Variants in OTC observed in about 807,000 individuals in gnomAD.
The protein encoded by OTC is ornithine transcarbamylase, mitochondrial.
In OTC, 3 loss-of-function variants were observed where a neutral mutation model predicts 30.3. That is an observed-to-expected ratio of 0.10 (90% CI 0.05 to 0.26). The LOEUF (loss-of-function observed/expected upper bound fraction) is 0.26, where lower values mean the gene tolerates loss of function less well. Among genes scored for constraint, OTC ranks in the 10% least tolerant of loss-of-function variants. The pLI is 1.00. For missense variants in OTC, 194 were observed against 260.3 expected, an observed-to-expected ratio of 0.75 and a Z score of 1.75; for synonymous variants, 111 against 99.7, an observed-to-expected ratio of 1.11 and a Z score of -0.67.
chrX:38,398,456 C>A (rs1370926910), intron 4 of OTC, among the ~76,000 whole-genome samples: 1 of 111,995 alleles, frequency 8.9e-6, no homozygotes, highest in Non-Finnish European at 1.9e-5. Flanking sequence ...GAAGTCAAAT[C>A]TGCTTTTCTG....
chrX:38,381,988 A>G, intron 4 of OTC, among the ~76,000 whole-genome samples: 1 of 111,864 alleles, frequency 8.9e-6, no homozygotes, highest in Non-Finnish European at 1.9e-5. Context: ...AAAGGGAAGA[A>G]CAGGTTATTA....
chrX:38,369,943 G>C, intron 3 of OTC, 66 bp downstream of exon 3: 5 of 739,374 alleles, frequency 6.8e-6, no homozygotes, highest in Non-Finnish European at 1.1e-5. Context: ...CTTTGGAGGG[G>C]TAACCCAGTG....
chrX:38,387,291 T>G (rs1445145777), intron 4 of OTC, among the ~76,000 whole-genome samples: 2 of 112,009 alleles, frequency 1.8e-5, no homozygotes, highest in African/African-American at 6.5e-5. Context: ...TGCAGAAGCT[T>G]TTTAGATCTC....
At chrX:38,331,670 C>A in the OTC span, among the ~76,000 whole-genome samples, 99 of 109,549 alleles carry the variant, frequency 9.0e-4, 1 homozygote, top group African/African-American at 3.1e-3. Flanking sequence ...GCAACCTCTG[C>A]CTCCCGGGCT....
intron 8 of OTC, among the ~76,000 whole-genome samples, chrX:38,409,787 A>G (rs773409584): frequency 8.9e-6 from 1 of 112,617 alleles, no homozygotes; most frequent in African/African-American, 3.2e-5. Flanking sequence ...AGCAAGTACA[A>G]TTAATATTAT....
the OTC span, among the ~76,000 whole-genome samples, chrX:38,340,473 G>GTTTTTTTTTTTTTTTTTTTTTTT: frequency 3.7e-4 from 21 of 56,098 alleles, no homozygotes; most frequent in African/African-American, 6.6e-4. Context: ...TTTTTTTTTT[G>GTTTTTTTTTTTTTTTTTTTTTTT]TTTTTTTTTT....
the OTC span, among the ~76,000 whole-genome samples, chrX:38,327,834 T>C: frequency 3.5e-5 from 4 of 113,051 alleles, no homozygotes; most frequent in Admixed American, 1.9e-4. Context: ...CACACAATTA[T>C]GACACTACTA....
intron 9 of OTC, among the ~76,000 whole-genome samples, chrX:38,414,916 C>A (rs1270839368): frequency 9.1e-6 from 1 of 110,304 alleles, no homozygotes; most frequent in African/African-American, 3.3e-5. Context: ...TATGCCAGGT[C>A]CTCTGCCAGG....
rs770910923 is a variant in OTC at position 38,401,291 on chromosome X, G to A, written c.403G>A (p.Ala135Thr). 7 of 1,204,235 alleles carry A rather than the reference G, an allele frequency of 5.8e-6. No individual in the cohort carries two copies. The South Asian group carries it at 1.2e-4, about 21-fold the overall frequency. The change falls in exon 5 of 10, where the codon GCA (alanine) becomes ACA (threonine). Residue 135 changes from alanine to threonine, a missense_variant. By Grantham distance (58) the Ala-to-Thr change is moderately conservative (BLOSUM62 0). Transcript: ENST00000039007. ...TTGCCACAGTGTATTGTCTAGCATG[G>A]CAGATGCAGTATTGGCTCGAGTGTA... ...TDTARVLSSM[A>T]DAVLARVYKQ...
chrX:38,408,393 T>C (rs191944210), intron 6 of OTC, among the ~76,000 whole-genome samples: 3 of 112,308 alleles, frequency 2.7e-5, no homozygotes, highest in Admixed American at 9.4e-5. Context: ...TGTGCAAAGA[T>C]AGACAAACAT....
chrX:38,381,559 C>T (rs957122384), intron 4 of OTC, 130 bp downstream of exon 4: 1 of 520,836 alleles, frequency 1.9e-6, no homozygotes, highest in Non-Finnish European at 3.4e-6. Flanking sequence ...TCCCTCTTTC[C>T]CTGATATTCT....
intron 4 of OTC, among the ~76,000 whole-genome samples, chrX:38,389,844 C>T (rs2068421978): frequency 9.6e-6 from 1 of 104,247 alleles, no homozygotes; most frequent in African/African-American, 3.4e-5. Context: ...GATACTTATA[C>T]TTATCTTAAT....
At chrX:38,379,755 G>A (rs752196661) in intron 3 of OTC, among the ~76,000 whole-genome samples, 167 of 109,685 alleles carry the variant, frequency 1.5e-3, no homozygotes, top group Middle Eastern at 0.014. Flanking sequence ...TCAGCCTCCC[G>A]AGTAGCTGGG....
intron 1 of OTC, among the ~76,000 whole-genome samples, chrX:38,354,055 A>G (rs1225884201): frequency 2.7e-5 from 3 of 112,044 alleles, no homozygotes; most frequent in African/African-American, 9.7e-5. Flanking sequence ...CTTTTCTGCA[A>G]TGTTGTTTCA....
chrX:38,354,940 C>T (rs970715439), intron 1 of OTC, among the ~76,000 whole-genome samples: 4 of 111,417 alleles, frequency 3.6e-5, no homozygotes, highest in African/African-American at 1.3e-4. Flanking sequence ...TCTGCCTGTT[C>T]TATATTTTTG....
At position 38,408,809 on chromosome X, in the gene OTC, A is replaced by G; in HGVS notation, c.717+14A>G. ...TATGCCAAAGAGGTATGCTCTTTAC[A>G]TGTAAAGCTATTATTGCCTTTTACT... On this transcript the variant is annotated intron_variant, in intron 7 of 9. Transcript: ENST00000039007. 1 of 1,205,683 alleles carries G rather than the reference A, an allele frequency of 8.3e-7. No homozygotes were observed. Among genetic ancestry groups the G allele is most frequent in the Non-Finnish European group, 1.1e-6 (1 of 890,022 alleles).
chrX:38,418,860 C>T (rs2068581840), intron 9 of OTC, among the ~76,000 whole-genome samples: 1 of 112,062 alleles, frequency 8.9e-6, no homozygotes, highest in Non-Finnish European at 1.9e-5. Context: ...CATTAAACCT[C>T]TTTTTCTTTA....
intron 9 of OTC, among the ~76,000 whole-genome samples, chrX:38,419,628 G>C (rs750290080): frequency 1.8e-5 from 2 of 111,686 alleles, no homozygotes; most frequent in East Asian, 5.6e-4. Context: ...TTTTCAGATA[G>C]TTCATTATTA....
At chrX:38,345,525 T>A in the OTC span, among the ~76,000 whole-genome samples, 1 of 100,854 alleles carries the variant, frequency 9.9e-6, no homozygotes, top group Admixed American at 1.1e-4. Context: ...AGCCTCCAGC[T>A]GCATAACTCC....
Sources: gnomAD v4.1 joint callset for allele counts (sites outside exome capture counted in the v4.1 genomes callset) on GRCh38, gnomAD v4.1.1 for gene constraint, MANE v1.5 for transcripts, NCBI Gene and HGNC (gene_info 2026-07-23, HGNC 2026-07-21) for gene names.